The following KCTD1 variants were observed in gnomAD, a reference collection of about 807,000 sequenced individuals.
KCTD1 encodes the protein BTB/POZ domain-containing protein KCTD1.
Under a neutral mutation model 66.0 loss-of-function variants are expected in KCTD1, and 24 were observed. That is an observed-to-expected ratio of 0.36 (90% CI 0.26 to 0.51). KCTD1 has a LOEUF of 0.51. Ranked by LOEUF, KCTD1 falls within the 20% of genes least tolerant of loss-of-function variation. KCTD1 has a pLI of 0.95. For missense variants in KCTD1, 943 were observed against 1,205.2 expected (o/e 0.78, Z 3.22); for synonymous variants, 511 against 517.2 (o/e 0.99, Z 0.16).
intron 1 of KCTD1, among the ~76,000 whole-genome samples, chr18:26,527,877 A>G (rs1984247630): frequency 1.3e-5 from 1 of 79,552 alleles, no homozygotes; most frequent in South Asian, 3.5e-4. Context: ...CAAATCCAGT[A>G]ATTTTTTTTC....
chr18:26,508,344 A>G (rs1478782702), intron 1 of KCTD1, among the ~76,000 whole-genome samples: 2 of 152,212 alleles, frequency 1.3e-5, no homozygotes, highest in Non-Finnish European at 2.9e-5. Flanking sequence ...ATTTGACTTC[A>G]GGCATCTTTC....
chr18:26,511,634 T>C (rs1482778218), intron 1 of KCTD1, among the ~76,000 whole-genome samples: 1 of 152,174 alleles, frequency 6.6e-6, no homozygotes, highest in African/African-American at 2.4e-5. Flanking sequence ...GAGAAGGAAG[T>C]TGACTCTGAG....
chr18:26,601,326 T>A (rs1293390162), intron 1 of KCTD1, among the ~76,000 whole-genome samples: 10 of 93,250 alleles, frequency 1.1e-4, no homozygotes, highest in Admixed American at 2.5e-4. Context: ...TGTTCATTGG[T>A]AAAAAAAAAA....
intron 1 of KCTD1, among the ~76,000 whole-genome samples, chr18:26,525,877 G>A (rs1213853292): frequency 6.6e-6 from 1 of 152,082 alleles, no homozygotes; most frequent in Non-Finnish European, 1.5e-5. Flanking sequence ...ATGAGCCACT[G>A]TGCTCAGCAT....
At chr18:26,500,978 C>T in intron 2 of KCTD1, 94 bp downstream of exon 2, 1 of 1,374,456 alleles carries the variant, frequency 7.3e-7, no homozygotes, top group Non-Finnish European at 1.0e-6. Flanking sequence ...CTGCCCCCTG[C>T]CTCCACGAGG....
intron 1 of KCTD1, among the ~76,000 whole-genome samples, chr18:26,627,293 TGTGTGTG>T (rs1987523364): frequency 6.6e-6 from 1 of 151,082 alleles, no homozygotes; most frequent in Non-Finnish European, 1.5e-5. Flanking sequence ...TGTGTGTGTG[TGTGTGTG>T]TGCCTATAAC....
At chr18:26,482,451 T>C (rs538158986) in intron 2 of KCTD1, among the ~76,000 whole-genome samples, 1 of 151,764 alleles carries the variant, frequency 6.6e-6, no homozygotes, top group African/African-American at 2.4e-5. Context: ...CTGGGAAGAG[T>C]AGTACACATG....
chr18:26,553,817 C>G (rs1450034748), intron 1 of KCTD1, among the ~76,000 whole-genome samples: 1 of 117,684 alleles, frequency 8.5e-6, no homozygotes, highest in Non-Finnish European at 1.8e-5. Context: ...AAAACTAAGG[C>G]CAGAGAGGGT....
At chr18:26,647,004 G>A (rs978160536) in intron 1 of KCTD1, among the ~76,000 whole-genome samples, 1 of 152,130 alleles carries the variant, frequency 6.6e-6, no homozygotes, top group African/African-American at 2.4e-5. Context: ...TGATTGGTCA[G>A]GTCTCTGTGA....
At chr18:26,630,200 A>G (rs1188060315), upstream of KCTD1, among the ~76,000 whole-genome samples, 2 of 152,234 alleles carry the variant, frequency 1.3e-5, no homozygotes, top group Non-Finnish European at 2.9e-5. Context: ...AGCACACTAC[A>G]TGAGTGATCA....
At chr18:26,590,625 C>A (rs191218786) in intron 1 of KCTD1, among the ~76,000 whole-genome samples, 115 of 152,096 alleles carry the variant, frequency 7.6e-4, no homozygotes, top group Non-Finnish European at 1.4e-3. Context: ...GTTTTACCTG[C>A]TGAAAAATGA....
Position 26,547,541 on chromosome 18 carries a change from GTCC to G in KCTD1, c.993_995del (p.Glu331del). The stretch of plus-strand genomic sequence containing the variant: ...CCTCGTCCATGGCCAGCCCAAAAGA[GTCC>G]TCCTCCAACTCACGCTGGTTCTCGC... On this transcript the variant is annotated inframe_deletion, in exon 1 of 5. Coordinates refer to ENST00000580059, the MANE Select transcript of KCTD1 (RefSeq NM_001142730.3). 6.4e-7 allele frequency: 1 copy of G among 1,551,662 alleles called. No individual in the cohort carries two copies. Among genetic ancestry groups the G allele is most frequent in the Non-Finnish European group, 8.7e-7 (1 of 1,146,992 alleles).
At chr18:26,493,526 T>A (rs1463035097) in intron 2 of KCTD1, among the ~76,000 whole-genome samples, 1 of 152,164 alleles carries the variant, frequency 6.6e-6, no homozygotes, top group Non-Finnish European at 1.5e-5. Flanking sequence ...AACACCTAGA[T>A]CTCACGCTTC....
intron 2 of KCTD1, among the ~76,000 whole-genome samples, chr18:26,500,660 C>T (rs942785537): frequency 1.3e-5 from 2 of 151,878 alleles, no homozygotes; most frequent in Non-Finnish European, 2.9e-5. Flanking sequence ...CTGAGAATCT[C>T]TTTTTTTTCT....
At chr18:26,502,199 G>A (rs1267360245) in intron 1 of KCTD1, among the ~76,000 whole-genome samples, 9 of 152,268 alleles carry the variant, frequency 5.9e-5, no homozygotes, top group South Asian at 2.1e-4. Flanking sequence ...ACAGGCGTCC[G>A]CCACCACGCC....
intron 1 of KCTD1, among the ~76,000 whole-genome samples, chr18:26,623,605 C>T (rs1376343953): frequency 6.6e-6 from 1 of 152,276 alleles, no homozygotes; most frequent in Admixed American, 6.5e-5. Flanking sequence ...CTGAGGCCTC[C>T]CCAGCCCTGC....
chr18:26,556,904 A>G (rs1003969661), intron 1 of KCTD1, among the ~76,000 whole-genome samples: 2 of 152,208 alleles, frequency 1.3e-5, no homozygotes, highest in Non-Finnish European at 2.9e-5. Context: ...TGTGAATTCA[A>G]TCACATGCCA....
upstream of KCTD1, chr18:26,548,793 C>T (rs1473984269): frequency 2.7e-6 from 3 of 1,110,606 alleles, no homozygotes; most frequent in South Asian, 4.5e-5. Context: ...GACCTTCTTC[C>T]TCCCCCACCC....
intron 1 of KCTD1, among the ~76,000 whole-genome samples, chr18:26,654,365 A>C (rs993138713): frequency 2.0e-5 from 3 of 152,278 alleles, no homozygotes; most frequent in Middle Eastern, 3.4e-3. Flanking sequence ...TAAGTGGCAT[A>C]ATTTGTACAA....
Sources: allele counts gnomAD v4.1 joint callset (sites outside exome capture counted in the v4.1 genomes callset), GRCh38; gene constraint gnomAD v4.1.1; transcripts MANE v1.5; gene names NCBI Gene and HGNC (gene_info 2026-07-23, HGNC 2026-07-21).